Variants in PCDH15 observed in about 807,000 individuals in gnomAD.
PCDH15 encodes protocadherin-15.
PCDH15 carries 129 observed loss-of-function variants against 178.5 expected under a neutral mutation model. The observed-to-expected ratio is 0.72, with a 90% confidence interval of 0.63 to 0.84. The LOEUF is 0.84. Ranked by LOEUF, PCDH15 falls within the 40% of genes least tolerant of loss-of-function variation. The pLI, the probability that PCDH15 is intolerant of heterozygous loss-of-function variation, is 0.00. For missense variants in PCDH15, 2,230 were observed against 2,099.9 expected (o/e 1.06, Z -1.21); for synonymous variants, 800 against 732.0 (o/e 1.09, Z -1.50).
chr10:54,042,685 G>C (rs992087631), intron 18 of PCDH15, among the ~76,000 whole-genome samples: 1 of 152,094 alleles, frequency 6.6e-6, no homozygotes, highest in South Asian at 2.1e-4. Flanking sequence ...GTCATGTGGA[G>C]ATATGAAGGC....
At position 55,451,604 on chromosome 10, in the gene PCDH15, G is replaced by A. The variant is rs1015996117; in HGVS notation, c.-156+176021C>T. ...AGAATTCATTCAGAATTCATTTTAA[G>A]TAGTAAATATTGTAAAAATGAATTC... On this transcript the variant is annotated intron_variant, in intron 2 of 5. Coordinates refer to the PCDH15 transcript ENST00000613346. Among the ~76,000 whole-genome samples the A allele has an allele frequency of 5.9e-5, 9 of 152,268 alleles. No individual in the cohort carries two copies. In the South Asian group the frequency reaches 1.9e-3, roughly 32 times the overall value.
intron 2 of PCDH15, among the ~76,000 whole-genome samples, chr10:55,040,058 A>G (rs1446058872): frequency 6.6e-6 from 1 of 152,042 alleles, no homozygotes; most frequent in African/African-American, 2.4e-5. Context: ...AAGAAAAAAT[A>G]TATTAAATTA....
At chr10:55,559,346 A>G (rs1057513368) in intron 2 of PCDH15, among the ~76,000 whole-genome samples, 1 of 152,084 alleles carries the variant, frequency 6.6e-6, no homozygotes, top group Non-Finnish European at 1.5e-5. Flanking sequence ...TTGTTACATT[A>G]ATATAATCAA....
At position 53,879,713 on chromosome 10, in the gene PCDH15, A is replaced by G. The variant is rs554738880; in HGVS notation, c.3502-12856T>C. On this transcript the variant is annotated intron_variant, in intron 26 of 37. Coordinates refer to ENST00000644397, the MANE Select transcript of PCDH15 (RefSeq NM_001384140.1). The stretch of plus-strand genomic sequence containing the variant: ...TGTGTTTTCTTTTGTTAATATGTCT[A>G]TGTGCCTCAGCCTCTCGAGTACCAG... 2.6e-5 allele frequency among the ~76,000 whole-genome samples: 4 copies of G among 152,316 alleles called. No homozygotes were observed. The South Asian group carries it at 6.2e-4, about 24-fold the overall frequency.
intron 2 of PCDH15, among the ~76,000 whole-genome samples, chr10:54,536,274 G>A (rs887196726): frequency 4.6e-5 from 7 of 152,120 alleles, no homozygotes; most frequent in Admixed American, 2.6e-4. Flanking sequence ...TTAGAGTAGT[G>A]TCTGGCATAT....
intron 2 of PCDH15, among the ~76,000 whole-genome samples, chr10:55,476,145 A>C (rs1211866641): frequency 1.3e-5 from 2 of 152,122 alleles, no homozygotes; most frequent in Non-Finnish European, 2.9e-5. Flanking sequence ...GTACATGCTA[A>C]AACAATTACT....
intron 26 of PCDH15, among the ~76,000 whole-genome samples, chr10:53,878,511 CGT>C (rs796387888): frequency 2.2e-5 from 3 of 135,772 alleles, no homozygotes; most frequent in East Asian, 2.1e-4. Context: ...TATATATATA[CGT>C]GTGTGTGTGT....
intron 1 of PCDH15, among the ~76,000 whole-genome samples, chr10:55,305,000 C>T (rs1843383310): frequency 6.6e-6 from 1 of 152,004 alleles, no homozygotes; most frequent in Admixed American, 6.6e-5. Flanking sequence ...ATCATAAAAC[C>T]ATAGGGCTTA....
At chr10:54,354,773 T>C (rs1320793081) in intron 5 of PCDH15, among the ~76,000 whole-genome samples, 2 of 152,204 alleles carry the variant, frequency 1.3e-5, no homozygotes, top group African/African-American at 4.8e-5. Flanking sequence ...ATAAGGAATG[T>C]CAGTGTTATG....
intron 2 of PCDH15, among the ~76,000 whole-genome samples, chr10:55,069,350 A>G (rs1009709832): frequency 6.4e-4 from 94 of 147,704 alleles, no homozygotes; most frequent in Non-Finnish European, 1.3e-3. Flanking sequence ...ATATGTATAC[A>G]TGTGCCATGC....
At chr10:54,716,681 C>T (rs10763130) in intron 1 of PCDH15, among the ~76,000 whole-genome samples, 131,007 of 151,918 alleles carry the variant, frequency 0.86, 57,163 homozygotes, top group Middle Eastern at 0.93. Flanking sequence ...ATGGCCATAC[C>T]ACCCAAGGTA....
chr10:55,135,153 T>C (rs1310844261), intron 2 of PCDH15, among the ~76,000 whole-genome samples: 2 of 152,190 alleles, frequency 1.3e-5, no homozygotes, highest in South Asian at 4.1e-4. Context: ...AATTTCATAA[T>C]AGATTAATAT....
intron 2 of PCDH15, among the ~76,000 whole-genome samples, chr10:55,074,841 G>A (rs1564774263): frequency 2.0e-5 from 3 of 152,016 alleles, no homozygotes; most frequent in Admixed American, 1.3e-4. Context: ...AGATTTTTAT[G>A]TTTTTGGGTT....
chr10:54,492,816 C>G (rs2079728561), intron 3 of PCDH15, among the ~76,000 whole-genome samples: 1 of 152,020 alleles, frequency 6.6e-6, no homozygotes, highest in Admixed American at 6.6e-5. Context: ...TAAACTTTAT[C>G]CCAGTGTACT....
upstream of PCDH15, among the ~76,000 whole-genome samples, chr10:54,804,927 T>TATATATATATATATATATATATATA (rs1952750730): frequency 9.8e-5 from 5 of 50,844 alleles, no homozygotes; most frequent in African/African-American, 1.3e-4. Flanking sequence ...TCATAGTAGA[T>TATATATATATATATATATATATATA]TATATATATA....
At position 55,292,543 on chromosome 10, in the gene PCDH15, G is replaced by A. The variant is rs192568875; in HGVS notation, c.-156+27056C>T. On this transcript the variant is annotated intron_variant, in intron 1 of 5. Transcript: ENST00000458638. ...ATAACAGGTGCTCGCCACCACGACC[G>A]GCTAATTTTTGTATTTTTAGTAGAG... Among the ~76,000 whole-genome samples the A allele has an allele frequency of 2.5e-3, 384 of 151,930 alleles. 3 individuals are homozygous for A. The highest frequency in any genetic ancestry group is 8.3e-3 in the African/African-American group (346 of 41,476).
intron 2 of PCDH15, among the ~76,000 whole-genome samples, chr10:55,075,312 A>G (rs973404876): frequency 6.7e-5 from 10 of 148,920 alleles, no homozygotes; most frequent in Admixed American, 6.7e-4. Context: ...TGTTTATTTG[A>G]GTTTTGTCTC....
intron 1 of PCDH15, among the ~76,000 whole-genome samples, chr10:55,307,278 G>A (rs145277631): frequency 5.3e-4 from 80 of 151,944 alleles, no homozygotes; most frequent in African/African-American, 1.0e-3. Flanking sequence ...CGAGGCAGGC[G>A]GATCACGAGG....
intron 3 of PCDH15, among the ~76,000 whole-genome samples, chr10:54,831,682 G>A (rs937807596): frequency 5.9e-5 from 9 of 151,938 alleles, no homozygotes; most frequent in African/African-American, 1.9e-4. Flanking sequence ...AATTCCACAT[G>A]CCAATCAGTA....
Sources: allele counts gnomAD v4.1 joint callset (sites outside exome capture counted in the v4.1 genomes callset), GRCh38; gene constraint gnomAD v4.1.1; transcripts MANE v1.5; gene names NCBI Gene and HGNC (gene_info 2026-07-23, HGNC 2026-07-21).